Variants in BIK observed in about 807,000 individuals in gnomAD.
The protein encoded by BIK is bcl-2-interacting killer.
A neutral mutation model predicts 12.1 loss-of-function variants in BIK; 14 were observed. That is an observed-to-expected ratio of 1.16 (90% confidence interval 0.77 to 1.81). The LOEUF (loss-of-function observed/expected upper bound fraction) is 1.81. Among genes scored for constraint, BIK ranks in the 40% most tolerant of loss-of-function variants. The pLI, the probability that BIK is intolerant of heterozygous loss-of-function variation, is 0.00. For synonymous variants in BIK, 86 were observed against 92.3 expected, an observed-to-expected ratio of 0.93 and a Z score of 0.39; for missense variants, 215 against 207.9, an observed-to-expected ratio of 1.03 and a Z score of -0.21.
intron 3 of BIK, 25 bp from the exon 4 acceptor site, chr22:43,128,471 G>C (rs760867417): frequency 1.3e-6 from 2 of 1,570,078 alleles, no homozygotes. Context: ...TAATGGCTTT[G>C]TCCCCCCATC....
Position 43,117,892 on chromosome 22 carries a change from C to T in BIK, c.-7-6124C>T, listed in dbSNP as rs189203782. On this transcript the variant is annotated intron_variant, in intron 1 of 4. Transcript: ENST00000216115. ...TTATTACCATGTTAGTCAGGCTGGT[C>T]TTGAACTCCTGACCTCATGATCTGC... 4.0e-3 allele frequency among the ~76,000 whole-genome samples: 602 copies of T among 151,978 alleles called. 7 individuals are homozygous for T. Among genetic ancestry groups the T allele is most frequent in the African/African-American group, 0.014 (574 of 41,432 alleles).
chr22:43,120,686 G>A (rs1289167770), intron 1 of BIK, among the ~76,000 whole-genome samples: 2 of 152,178 alleles, frequency 1.3e-5, no homozygotes, highest in Non-Finnish European at 2.9e-5. Context: ...GGTCGCTGCT[G>A]CAAGGACCCT....
intron 1 of BIK, among the ~76,000 whole-genome samples, chr22:43,123,369 C>T (rs897827607): frequency 1.3e-5 from 2 of 152,158 alleles, no homozygotes; most frequent in Non-Finnish European, 2.9e-5. Context: ...ACAGCAGGTG[C>T]CTGGGTTTTC....
intron 2 of BIK, among the ~76,000 whole-genome samples, chr22:43,126,029 C>CTT (rs536702353): frequency 0.013 from 1,819 of 140,594 alleles, 44 homozygotes; most frequent in African/African-American, 0.046. Context: ...AGGACCTGCA[C>CTT]TTTTTTTTTT....
At chr22:43,127,656 A>T in intron 2 of BIK, 41 bp from the exon 3 acceptor site, 5 of 1,519,746 alleles carry the variant, frequency 3.3e-6, no homozygotes, top group Non-Finnish European at 4.4e-6. Context: ...TGTGGCCTCC[A>T]CGGCACAGCC....
At chr22:43,123,166 A>C (rs1480859942) in intron 1 of BIK, among the ~76,000 whole-genome samples, 1 of 152,220 alleles carries the variant, frequency 6.6e-6, no homozygotes, top group South Asian at 2.1e-4. Context: ...TGTGATGCGC[A>C]CAAGTGTTTA....
At position 43,124,147 on chromosome 22, in the gene BIK, T is replaced by TG. The variant is rs1569466864; in HGVS notation, c.127dup (p.Glu43GlyfsTer13). 7 of 1,614,142 alleles carry TG rather than the reference T, an allele frequency of 4.3e-6. No homozygotes were observed. The highest frequency in any genetic ancestry group is 5.9e-6 in the Non-Finnish European group (7 of 1,180,006). ...GACTCTGAAGAGGACCTGGACCCTA[T>TG]GGAGGACTTCGATTCTTTGGAATGC... On this transcript the variant is annotated frameshift_variant, in exon 2 of 5. Transcript: ENST00000216115. LOFTEE classifies it high-confidence loss of function.
chr22:43,124,497 G>A (rs1930277768), intron 2 of BIK, among the ~76,000 whole-genome samples: 2 of 152,220 alleles, frequency 1.3e-5, no homozygotes, highest in Non-Finnish European at 2.9e-5. Flanking sequence ...CAGGCCCTTA[G>A]CGACCTGCTG....
intron 1 of BIK, among the ~76,000 whole-genome samples, chr22:43,112,206 GT>G (rs147814376): frequency 1.4e-3 from 214 of 151,262 alleles, no homozygotes; most frequent in Non-Finnish European, 2.5e-3. Context: ...GTTTCTTTTT[GT>G]TTTTTTTTGA....
chr22:43,129,467 TTTTG>T lies in BIK; in HGVS notation c.*166_*169del, dbSNP rs1197212936. ...ACTGCTGAGGTTTTATACTCAGGTT[TTTTG>T]TTTTTTTTTTATTCCAGTTTTCGTT... is the stretch of plus-strand genomic sequence containing the variant. On this transcript the variant is annotated 3_prime_UTR_variant, in exon 5 of 5. Transcript: ENST00000216115. The T allele has an allele frequency of 4.1e-6, 5 of 1,218,186 alleles. No homozygotes were observed. Among genetic ancestry groups the T allele is most frequent in the Non-Finnish European group, 5.5e-6 (5 of 913,754 alleles). 75.5% of individuals were successfully genotyped at this position (1,218,186 alleles called of 1,614,324 possible). A position where few individuals can be genotyped will look rare whatever the true frequency, so the allele number is the denominator to read the frequency against.
intron 1 of BIK, among the ~76,000 whole-genome samples, chr22:43,118,274 C>T (rs373535385): frequency 1.3e-5 from 2 of 152,188 alleles, no homozygotes; most frequent in Non-Finnish European, 2.9e-5. Context: ...TTCAGTCCAC[C>T]GTGGCGTCCT....
intron 1 of BIK, among the ~76,000 whole-genome samples, chr22:43,116,045 C>T (rs117288274): frequency 6.6e-6 from 1 of 152,176 alleles, no homozygotes; most frequent in Non-Finnish European, 1.5e-5. Context: ...AGGGAGCCAC[C>T]GCGCCCCGGC....
intron 4 of BIK, 135 bp from the exon 5 acceptor site, chr22:43,129,078 C>T (rs1930382498): frequency 6.7e-7 from 1 of 1,499,706 alleles, no homozygotes; most frequent in South Asian, 1.1e-5. Flanking sequence ...TCCTGAACTC[C>T]TTCCTTCTCT....
intron 1 of BIK, among the ~76,000 whole-genome samples, chr22:43,119,309 A>G (rs1269867321): frequency 6.6e-6 from 1 of 151,988 alleles, no homozygotes; most frequent in Admixed American, 6.6e-5. Flanking sequence ...AAAAAAAGAT[A>G]ATAAAAACCA....
rs1033112965 is a variant in BIK, at chr22:43,124,207, C to T, written c.161+24C>T. ...AGGTAGGTCCCCATGGCCTGCCCTA[C>T]CCCCTGCCTGATAGTGACTTCAGGG... On this transcript the variant is annotated intron_variant, in intron 2 of 4. Transcript: ENST00000216115. 10 of 1,611,528 alleles carry T rather than the reference C, an allele frequency of 6.2e-6. No homozygotes were observed. In the African/African-American group the frequency reaches 9.4e-5, roughly 15 times the overall value.
At chr22:43,127,818 C>T (rs931082130) in intron 3 of BIK, 23 bp downstream of exon 3, 3 of 1,537,908 alleles carry the variant, frequency 2.0e-6, no homozygotes, top group Non-Finnish European at 2.6e-6. Flanking sequence ...TGCCCTATGC[C>T]TCTACACCTG....
At chr22:43,124,908 C>T (rs1219433071) in intron 2 of BIK, among the ~76,000 whole-genome samples, 2 of 152,110 alleles carry the variant, frequency 1.3e-5, no homozygotes, top group Non-Finnish European at 1.5e-5. Context: ...AGAAAACCTA[C>T]TCTATAGGCA....
chr22:43,116,584 G>C (rs962786019), intron 1 of BIK, among the ~76,000 whole-genome samples: 1 of 151,684 alleles, frequency 6.6e-6, no homozygotes, highest in Non-Finnish European at 1.5e-5. Flanking sequence ...TCAGCCTCCC[G>C]AGTAGCTGGG....
At chr22:43,116,916 G>A (rs898060069) in intron 1 of BIK, among the ~76,000 whole-genome samples, 4 of 152,142 alleles carry the variant, frequency 2.6e-5, no homozygotes, top group African/African-American at 9.7e-5. Context: ...CTCCAGCCTG[G>A]GTGACAGAGA....
Sources: gnomAD v4.1 joint callset for allele counts (sites outside exome capture counted in the v4.1 genomes callset) on GRCh38, gnomAD v4.1.1 for gene constraint, MANE v1.5 for transcripts, NCBI Gene and HGNC (gene_info 2026-07-23, HGNC 2026-07-21) for gene names.